Variants in DOCK2 observed in about 807,000 individuals in gnomAD.
DOCK2 encodes the protein dedicator of cytokinesis protein 2.
Under a neutral mutation model 248.9 loss-of-function variants are expected in DOCK2, and 87 were observed. That is an observed-to-expected ratio of 0.35 (90% CI 0.29 to 0.42). The LOEUF is 0.42. DOCK2 is among the 10% of genes least tolerant of loss of function. The probability of loss-of-function intolerance (pLI) is 1.00; values close to 1 mark genes in which losing one functional copy is unlikely to be tolerated. For synonymous variants in DOCK2, 805 were observed against 821.6 expected (o/e 0.98, Z 0.35); for missense variants, 1,747 against 2,300.2 (o/e 0.76, Z 4.92).
intron 30 of DOCK2, among the ~76,000 whole-genome samples, chr5:170,003,574 A>G (rs1754915006): frequency 6.6e-6 from 1 of 152,250 alleles, no homozygotes; most frequent in South Asian, 2.1e-4. Flanking sequence ...ATGTAAGAAT[A>G]GGACACAATC....
chr5:170,002,813 C>T (rs1754886712), intron 30 of DOCK2, among the ~76,000 whole-genome samples: 1 of 152,166 alleles, frequency 6.6e-6, no homozygotes, highest in Non-Finnish European at 1.5e-5. Context: ...GAAATCACCT[C>T]ATCTCTTCCC....
At chr5:170,053,908 G>A (rs1757012960) in intron 41 of DOCK2, among the ~76,000 whole-genome samples, 1 of 152,210 alleles carries the variant, frequency 6.6e-6, no homozygotes, top group African/African-American at 2.4e-5. Flanking sequence ...ATCTGGGCAG[G>A]ATGGAGGGTG....
At chr5:169,670,979 G>T in intron 4 of DOCK2, 99 bp from the exon 5 acceptor site, 1 of 904,342 alleles carries the variant, frequency 1.1e-6, no homozygotes, top group South Asian at 1.6e-5. Context: ...TGTCAGGAAG[G>T]CCCCTCCGCA....
At chr5:169,736,229 C>CT (rs1368706016) in intron 22 of DOCK2, among the ~76,000 whole-genome samples, 2 of 152,118 alleles carry the variant, frequency 1.3e-5, no homozygotes, top group African/African-American at 2.4e-5. Context: ...GTTTTTATTT[C>CT]TTTCACCCCT....
At chr5:169,890,066 C>T (rs1012810891) in intron 27 of DOCK2, among the ~76,000 whole-genome samples, 6 of 152,210 alleles carry the variant, frequency 3.9e-5, no homozygotes, top group African/African-American at 1.2e-4. Flanking sequence ...TTAAAGAAGA[C>T]GAATTCAATC....
chr5:169,781,771 C>T (rs1353810533), intron 25 of DOCK2, among the ~76,000 whole-genome samples: 1 of 152,154 alleles, frequency 6.6e-6, no homozygotes, highest in East Asian at 1.9e-4. Context: ...CTGCCCTTCT[C>T]CACGCCCCCT....
intron 33 of DOCK2, among the ~76,000 whole-genome samples, chr5:170,021,467 T>A (rs745684495): frequency 5.1e-4 from 78 of 152,150 alleles, no homozygotes; most frequent in Non-Finnish European, 7.9e-4. Context: ...GACCTGGTCG[T>A]TGCCTGGATT....
chr5:169,882,949 T>A, intron 27 of DOCK2: 1 of 1,551,814 alleles, frequency 6.4e-7, no homozygotes, highest in Non-Finnish European at 8.7e-7. Context: ...TGGCTGGCTG[T>A]GGGAGCCTTG....
chr5:170,059,164 A>G (rs528467616), intron 44 of DOCK2, among the ~76,000 whole-genome samples: 35 of 142,398 alleles, frequency 2.5e-4, no homozygotes, highest in Middle Eastern at 7.2e-3. Context: ...TCCTTAAGAA[A>G]AAGAAGAGCC....
At chr5:169,841,085 C>T (rs261624) in intron 27 of DOCK2, among the ~76,000 whole-genome samples, 70,832 of 151,860 alleles carry the variant, frequency 0.47, 17,325 homozygotes, top group African/African-American at 0.63. Context: ...CTAAATTGAG[C>T]ATACCAGCAA....
intron 27 of DOCK2, among the ~76,000 whole-genome samples, chr5:169,847,082 A>G (rs539646442): frequency 2.0e-5 from 3 of 152,276 alleles, no homozygotes; most frequent in East Asian, 1.9e-4. Context: ...ATCCCACATT[A>G]TCTACTCATT....
chr5:169,848,055 G>A (rs771034215), intron 27 of DOCK2, among the ~76,000 whole-genome samples: 32 of 152,094 alleles, frequency 2.1e-4, no homozygotes, highest in Non-Finnish European at 4.1e-4. Flanking sequence ...GCTACATGCC[G>A]TATTTTATCA....
intron 26 of DOCK2, among the ~76,000 whole-genome samples, chr5:169,836,660 A>G (rs1190160134): frequency 2.0e-5 from 3 of 151,756 alleles, no homozygotes; most frequent in Non-Finnish European, 2.9e-5. Flanking sequence ...AAACACAATA[A>G]AAACAAAACA....
At chr5:169,703,794 G>C (rs1463740048) in intron 14 of DOCK2, among the ~76,000 whole-genome samples, 6 of 152,146 alleles carry the variant, frequency 3.9e-5, no homozygotes, top group African/African-American at 7.2e-5. Context: ...AGGAGCGGAG[G>C]GTTTTTATCT....
Position 170,027,895 on chromosome 5 carries a change from C to T in DOCK2, c.3414C>T (p.His1138=), listed in dbSNP as rs148138145. ...ACGAAATCATCCTGAAGCTGGACCA[C>T]GAGGTAGAAGGGGGCCGAGGCGACG... ...FENEIILKLD[H]EVEGGRGDEQ... The change falls in exon 34 of 52, where the codon CAC becomes CAT. Residue 1138 remains histidine (H), a synonymous_variant. Coordinates refer to ENST00000520908, the MANE Select transcript of DOCK2 (RefSeq NM_004946.3). The T allele has an allele frequency of 1.9e-4, 300 of 1,613,078 alleles. No individual in the cohort carries two copies. In the African/African-American group the frequency reaches 3.3e-3, roughly 17 times the overall value.
intron 22 of DOCK2, among the ~76,000 whole-genome samples, chr5:169,736,712 C>T (rs1239519879): frequency 6.6e-6 from 1 of 152,212 alleles, no homozygotes; most frequent in Non-Finnish European, 1.5e-5. Context: ...TCCAAAACAC[C>T]TTTAACTCAG....
At chr5:170,042,157 G>A (rs371747756) in intron 38 of DOCK2, 25 bp downstream of exon 38, 34 of 1,589,804 alleles carry the variant, frequency 2.1e-5, no homozygotes, top group Middle Eastern at 1.7e-4. Context: ...CCCACCCCCC[G>A]TGGGGACCCT....
At chr5:169,734,487 A>G (rs1762937475) in intron 22 of DOCK2, among the ~76,000 whole-genome samples, 1 of 152,174 alleles carries the variant, frequency 6.6e-6, no homozygotes, top group Admixed American at 6.5e-5. Context: ...TATTTTAATT[A>G]AAGTTTTTTA....
At chr5:169,896,665 T>A (rs893440595) in intron 27 of DOCK2, among the ~76,000 whole-genome samples, 1 of 151,846 alleles carries the variant, frequency 6.6e-6, no homozygotes, top group Non-Finnish European at 1.5e-5. Context: ...GTATCATCAT[T>A]ATTATTATCA....
Sources: allele counts gnomAD v4.1 joint callset (sites outside exome capture counted in the v4.1 genomes callset), GRCh38; gene constraint gnomAD v4.1.1; transcripts MANE v1.5; gene names NCBI Gene and HGNC (gene_info 2026-07-23, HGNC 2026-07-21).